The following USP22 variants were observed in gnomAD, a reference collection of about 807,000 sequenced individuals.
USP22 encodes ubiquitin specific peptidase 22.
In USP22, 22 loss-of-function variants were observed where a neutral mutation model predicts 68.1. The ratio of observed to expected loss-of-function variants is 0.32; its 90% CI spans 0.23 to 0.46. The LOEUF is 0.46. USP22 is among the 20% of genes least tolerant of loss of function. USP22 has a pLI of 1.00. For missense variants in USP22, 433 were observed against 695.8 expected (o/e 0.62, Z 4.25); for synonymous variants, 279 against 274.2 (o/e 1.02, Z -0.17).
In USP22 at chr17:21,018,649, G is replaced by A. The variant is rs534407558; in HGVS notation, c.520+435C>T. On this transcript the variant is annotated intron_variant, in intron 4 of 12. Coordinates refer to ENST00000261497, the MANE Select transcript of USP22 (RefSeq NM_015276.2). ...ATCGCTTGGGCCCAGGAGACAGAGGGTGCAGTGAACTGTGCTCCAGCCTGG... is the reference window on the plus strand; with the variant it reads ...ATCGCTTGGGCCCAGGAGACAGAGGATGCAGTGAACTGTGCTCCAGCCTGG... Among the ~76,000 whole-genome samples, 9 of 151,978 alleles carry A rather than the reference G, an allele frequency of 5.9e-5. No individual in the cohort carries two copies. The East Asian group carries it at 1.7e-3, about 29-fold the overall frequency.
chr17:21,043,123 A>ACCCCCCCCCCCCCCCCCCCCCCCCCC (rs1334241677), upstream of USP22: 5 of 18,890 alleles, frequency 2.6e-4, 2 homozygotes, highest in Non-Finnish European at 5.4e-4. Flanking sequence ...AGATTACGTC[A>ACCCCCCCCCCCCCCCCCCCCCCCCCC]CCCCCCCCCC....
At chr17:21,040,712 G>A (rs1351173913) in intron 1 of USP22, among the ~76,000 whole-genome samples, 1 of 152,126 alleles carries the variant, frequency 6.6e-6, no homozygotes, top group Non-Finnish European at 1.5e-5. Context: ...GGGGAAGAAA[G>A]GGAGAGGGAG....
In USP22 at chr17:21,033,510, T is replaced by C. The variant is rs148425590; in HGVS notation, c.172-4836A>G. On this transcript the variant is annotated intron_variant, in intron 1 of 12. Transcript: ENST00000261497. ...GGAGGAGCAAGAGGGGCAGAGCCCT[T>C]GTAGTCAACCAGACTTACCCTATGG... Among the ~76,000 whole-genome samples, 214 of 152,190 alleles carry C rather than the reference T, an allele frequency of 1.4e-3. 1 individual carries two copies. Among genetic ancestry groups the C allele is most frequent in the Admixed American group, 2.5e-3 (38 of 15,280 alleles).
chr17:21,003,718 A>G (rs1469975651), intron 12 of USP22, among the ~76,000 whole-genome samples: 1 of 152,084 alleles, frequency 6.6e-6, no homozygotes. Flanking sequence ...CCTGGTCAAC[A>G]TGGTGAAACC....
At chr17:21,012,726 C>T (rs1914009013) in intron 7 of USP22, 104 bp downstream of exon 7, 1 of 1,039,882 alleles carries the variant, frequency 9.6e-7, no homozygotes, top group Non-Finnish European at 1.5e-6. Context: ...TATCTCATAG[C>T]CTCCTTAAAG....
At chr17:21,003,877 G>A (rs1485365752) in intron 12 of USP22, among the ~76,000 whole-genome samples, 1 of 146,928 alleles carries the variant, frequency 6.8e-6, no homozygotes, top group Non-Finnish European at 1.5e-5. Context: ...TCCAGCCTGG[G>A]CAACAAGAGC....
At chr17:21,043,083 C>CGCGGGGCGGG (rs1372078871), upstream of USP22, 3 of 159,470 alleles carry the variant, frequency 1.9e-5, no homozygotes, top group African/African-American at 2.9e-5. Flanking sequence ...CGGAGGGTGT[C>CGCGGGGCGGG]GCGGGGCGGG....
At chr17:21,039,152 C>T (rs1046161054) in intron 1 of USP22, among the ~76,000 whole-genome samples, 2 of 151,752 alleles carry the variant, frequency 1.3e-5, no homozygotes, top group Non-Finnish European at 2.9e-5. Context: ...ATGGTTTCAC[C>T]GTGTTAGCCA....
intron 9 of USP22, among the ~76,000 whole-genome samples, chr17:21,007,530 C>G (rs1913816798): frequency 1.3e-5 from 2 of 152,226 alleles, no homozygotes; most frequent in South Asian, 2.1e-4. Flanking sequence ...TGGACCAGAT[C>G]TGCATGCTGA....
chr17:21,023,721 G>A (rs1211447780), intron 2 of USP22, among the ~76,000 whole-genome samples: 1 of 151,480 alleles, frequency 6.6e-6, no homozygotes, highest in Admixed American at 6.6e-5. Flanking sequence ...AGGCAGCGAA[G>A]CACAGAGGAA....
At chr17:21,016,177 A>T (rs971255052) in intron 5 of USP22, among the ~76,000 whole-genome samples, 1 of 152,206 alleles carries the variant, frequency 6.6e-6, no homozygotes, top group Non-Finnish European at 1.5e-5. Context: ...GATCACATGC[A>T]AATAAAAGTG....
chr17:21,004,048 C>A (rs1344898794), intron 12 of USP22, among the ~76,000 whole-genome samples, 154 bp downstream of exon 12: 1 of 152,214 alleles, frequency 6.6e-6, no homozygotes, highest in Non-Finnish European at 1.5e-5. Context: ...CCCATCGAGG[C>A]TGGCATCCTA....
Position 21,042,865 on chromosome 17 carries a change from GC to G in USP22, c.-31del. On this transcript the variant is annotated 5_prime_UTR_variant, in exon 1 of 13. Coordinates refer to ENST00000261497, the MANE Select transcript of USP22 (RefSeq NM_015276.2). The stretch of plus-strand genomic sequence containing the variant: ...GGCAAGGCCCGGCCGCGCGCGGGGG[GC>G]GGCGGCGAGGGAGGCGAGGACGACG... 8.1e-7 allele frequency: 1 copy of G among 1,236,560 alleles called. No homozygotes were observed. Among genetic ancestry groups the G allele is most frequent in the Non-Finnish European group, 1.0e-6 (1 of 987,892 alleles). 76.6% of individuals were successfully genotyped at this position (1,236,560 alleles called of 1,614,324 possible).
chr17:21,042,764 C>A lies in USP22; in HGVS notation c.72G>T (p.Ser24=). ...AELAVAPPGC[S]HLGSFKVDNW... The stretch of plus-strand genomic sequence containing the variant: ...TGTCCACCTTGAAGCTGCCCAGGTG[C>A]GAGCAGCCCGGCGGCGCTACCGCCA... Residue 24 remains serine (S), a synonymous_variant, in exon 1 of 13, where the codon TCG becomes TCT. Transcript: ENST00000261497. 7 of 1,496,780 alleles carry A rather than the reference C, an allele frequency of 4.7e-6. No homozygotes were observed. The highest frequency in any genetic ancestry group is 1.3e-5 in the South Asian group (1 of 78,972). The allele number at this position is 1,496,780 out of a possible 1,614,324, so 92.7% of individuals were successfully genotyped here.
intron 8 of USP22, among the ~76,000 whole-genome samples, chr17:21,009,817 T>A (rs1346211689): frequency 6.6e-6 from 1 of 152,040 alleles, no homozygotes; most frequent in African/African-American, 2.4e-5. Context: ...TAGCCGGATA[T>A]GGTAGCAAGC....
At chr17:21,025,343 T>C (rs1430560481) in intron 2 of USP22, among the ~76,000 whole-genome samples, 1 of 152,130 alleles carries the variant, frequency 6.6e-6, no homozygotes, top group African/African-American at 2.4e-5. Context: ...TTCACACTAT[T>C]ATGGGTATTA....
At chr17:21,013,519 CTT>C (rs879640245) in intron 6 of USP22, among the ~76,000 whole-genome samples, 4 of 152,162 alleles carry the variant, frequency 2.6e-5, no homozygotes, top group Non-Finnish European at 4.4e-5. Flanking sequence ...GAAAAAGAAA[CTT>C]AAGTAGCAGA....
intron 10 of USP22, among the ~76,000 whole-genome samples, chr17:21,005,452 G>A (rs190034181): frequency 3.9e-4 from 59 of 152,318 alleles, no homozygotes; most frequent in Middle Eastern, 3.4e-3. Context: ...CTGGTGAGAT[G>A]GGGGAGAGGA....
Position 21,002,672 on chromosome 17 carries a change from C to A in USP22, c.*359G>T, listed in dbSNP as rs995770816. ...CCATAATCTTACAGCAGGTAGGGGC[C>A]TTTCCACACCGAGTGCTGGGGAACG... On this transcript the variant is annotated 3_prime_UTR_variant, in exon 13 of 13. Coordinates refer to ENST00000261497, the MANE Select transcript of USP22 (RefSeq NM_015276.2). The A allele has an allele frequency of 1.3e-5, 4 of 311,176 alleles. No homozygotes were observed. Among genetic ancestry groups the A allele is most frequent in the Admixed American group, 4.3e-5 (1 of 23,108 alleles). The allele number at this position is 311,176 out of a possible 1,614,324, so 19.3% of individuals were successfully genotyped here.
Sources: allele counts gnomAD v4.1 joint callset (sites outside exome capture counted in the v4.1 genomes callset), GRCh38; gene constraint gnomAD v4.1.1; transcripts MANE v1.5; gene names NCBI Gene and HGNC (gene_info 2026-07-23, HGNC 2026-07-21).